The following CENPE variants were observed in gnomAD, a reference collection of about 807,000 sequenced individuals.
CENPE encodes the protein centromere protein E.
In CENPE, 145 loss-of-function variants were observed where a neutral mutation model predicts 336.1. That is an observed-to-expected ratio of 0.43 (90% CI 0.38 to 0.50). The LOEUF (loss-of-function observed/expected upper bound fraction) is 0.50. Ranked by LOEUF, CENPE falls within the 20% of genes least tolerant of loss-of-function variation. The pLI, the probability that CENPE is intolerant of heterozygous loss-of-function variation, is 0.00. For missense variants in CENPE, 2,719 were observed against 3,023.3 expected (o/e 0.90, Z 2.36); for synonymous variants, 1,013 against 984.8 (o/e 1.03, Z -0.54).
intron 36 of CENPE, 96 bp from the exon 37 acceptor site, chr4:103,140,510 C>T (rs777723783): frequency 1.8e-4 from 170 of 939,384 alleles, no homozygotes; most frequent in Non-Finnish European, 2.5e-4. Context: ...AAATTATACA[C>T]TCACAGTTAA....
At chr4:103,186,018 G>A (rs1756738137) in intron 8 of CENPE, among the ~76,000 whole-genome samples, 157 bp from the exon 9 acceptor site, 1 of 152,074 alleles carries the variant, frequency 6.6e-6, no homozygotes, top group Non-Finnish European at 1.5e-5. Context: ...TTTTCTCTGA[G>A]TCAAACTGTT....
In CENPE at chr4:103,147,347, G is replaced by A. The variant is rs370767152; in HGVS notation, c.4134+9C>T. On this transcript the variant is annotated intron_variant, in intron 29 of 48. Coordinates refer to ENST00000265148, the MANE Select transcript of CENPE (RefSeq NM_001813.3). ...ACTTGTTAAAATGGGAGGAAAATAC[G>A]AAACTTACTTTAGCCAAAGTTTCTC... 28 of 1,586,502 alleles carry A rather than the reference G, an allele frequency of 1.8e-5. No homozygotes were observed. Among genetic ancestry groups the A allele is most frequent in the Non-Finnish European group, 9.4e-6 (11 of 1,171,010 alleles).
rs182261481 is a variant in CENPE at position 103,160,485 on chromosome 4, C to A, written c.2286+140G>T. On this transcript the variant is annotated intron_variant, in intron 21 of 48. Transcript: ENST00000265148. ...ATTAGAAGATGAACTATATTCATTTCTATTTCTAACTAGTCAAAACGTTTA... is the reference window on the plus strand; with the variant it reads ...ATTAGAAGATGAACTATATTCATTTATATTTCTAACTAGTCAAAACGTTTA... 24 of 584,502 alleles carry A rather than the reference C, an allele frequency of 4.1e-5. No individual in the cohort carries two copies. The East Asian group carries it at 6.0e-4, about 15-fold the overall frequency. The allele number at this position is 584,502 out of a possible 1,614,324, so 36.2% of individuals were successfully genotyped here.
At chr4:103,112,795 TATA>T (rs1749626421) in intron 46 of CENPE, among the ~76,000 whole-genome samples, 1 of 56,290 alleles carries the variant, frequency 1.8e-5, no homozygotes, top group Non-Finnish European at 3.0e-5. Context: ...TATATATACT[TATA>T]AGTATATAAG....
chr4:103,134,136 G>A (rs1344658114), intron 40 of CENPE, among the ~76,000 whole-genome samples: 2 of 152,178 alleles, frequency 1.3e-5, no homozygotes, highest in Non-Finnish European at 2.9e-5. Flanking sequence ...CTTCTTGGAT[G>A]TCTTACAAGT....
At chr4:103,160,192 TACAGAAACATTCACC>T (rs1350255923) in intron 21 of CENPE, among the ~76,000 whole-genome samples, 3 of 151,952 alleles carry the variant, frequency 2.0e-5, no homozygotes, top group Non-Finnish European at 2.9e-5. Context: ...GCCATGGATT[TACAGAAACATTCACC>T]AGCCTGCAAG....
chr4:103,195,639 C>A (rs1271208378), intron 4 of CENPE, among the ~76,000 whole-genome samples: 9 of 152,038 alleles, frequency 5.9e-5, no homozygotes, highest in Admixed American at 2.0e-4. Context: ...GTGGAGCTAA[C>A]CATTCTGATA....
At chr4:103,142,568 A>G (rs1752654159) in intron 34 of CENPE, among the ~76,000 whole-genome samples, 1 of 152,178 alleles carries the variant, frequency 6.6e-6, no homozygotes, top group East Asian at 1.9e-4. Context: ...CCTTAGTAAC[A>G]AATCTTACAT....
Position 103,198,259 on chromosome 4 carries a change from C to T in CENPE, c.56+5G>A, listed in dbSNP as rs1167519327. The T allele has an allele frequency of 2.6e-6, 4 of 1,550,350 alleles. No homozygotes were observed. Among genetic ancestry groups the T allele is most frequent in the Admixed American group, 3.9e-5 (2 of 50,992 alleles). ...GGGCACCGGGCCGTGGTGTGGCCCC[C>T]CTACCTGCTGTTCAGCGGCCGCACT... On this transcript the variant is annotated splice_donor_5th_base_variant and intron_variant, in intron 1 of 48. Transcript: ENST00000265148.
intron 42 of CENPE, among the ~76,000 whole-genome samples, chr4:103,130,297 A>C (rs534341301): frequency 3.3e-5 from 5 of 152,232 alleles, no homozygotes; most frequent in Admixed American, 6.5e-5. Context: ...ATACTCCTGG[A>C]ACTAAATAAG....
chr4:103,117,449 G>C (rs1237361255), intron 44 of CENPE, among the ~76,000 whole-genome samples: 1 of 151,780 alleles, frequency 6.6e-6, no homozygotes, highest in Non-Finnish European at 1.5e-5. Flanking sequence ...CCCGTGCTTT[G>C]CCTATTCATC....
chr4:103,143,180 T>A, intron 34 of CENPE, 68 bp downstream of exon 34: 1 of 1,128,718 alleles, frequency 8.9e-7, no homozygotes, highest in Non-Finnish European at 1.3e-6. Context: ...GTAATTCATA[T>A]CTTGTTTCAT....
chr4:103,147,474 T>C lies in CENPE; in HGVS notation c.4016A>G (p.Glu1339Gly), dbSNP rs755478080. The change falls in exon 29 of 49, where the codon GAA becomes GGA. Residue 1339 changes from glutamate (E) to glycine (G), a missense_variant. Coordinates refer to ENST00000265148, the MANE Select transcript of CENPE (RefSeq NM_001813.3). The stretch of plus-strand genomic sequence containing the variant: ...TAGAGATTTTATCTCTTCCTGACTT[T>C]CTTGAAATTTTTCATTCAACCTGAG... ...ERLRLNEKFQ[E>G]SQEEIKSLTK... 4.3e-6 allele frequency: 7 copies of C among 1,614,150 alleles called. No individual in the cohort carries two copies. Among genetic ancestry groups the C allele is most frequent in the South Asian group, 1.1e-5 (1 of 91,080 alleles).
chr4:103,171,492 A>T (rs1416049770), intron 16 of CENPE, among the ~76,000 whole-genome samples: 3 of 152,074 alleles, frequency 2.0e-5, no homozygotes, highest in African/African-American at 4.8e-5. Flanking sequence ...ATATACCAAA[A>T]TGTATAGGAT....
rs767139013 is a variant in CENPE at position 103,168,252 on chromosome 4, C to T, written c.1648-4699G>A. Among the ~76,000 whole-genome samples, 6 of 151,986 alleles carry T rather than the reference C, an allele frequency of 3.9e-5. No individual in the cohort carries two copies. The South Asian group carries it at 1.0e-3, about 26-fold the overall frequency. On this transcript the variant is annotated intron_variant, in intron 16 of 48. Transcript: ENST00000265148. ...CTTTGCTGCAGTCAGGAAGCTATCT[C>T]GACTGTATTGGGAACTGCTGGGTGA...
Position 103,185,868 on chromosome 4 carries a change from G to T in CENPE, c.694-7C>A. 6.3e-7 allele frequency: 1 copy of T among 1,598,254 alleles called. No individual in the cohort carries two copies. The highest frequency in any genetic ancestry group is 8.6e-7 in the Non-Finnish European group (1 of 1,169,096). ...CTGCAAGATCAACCAAATTCTGTAAGATAGATAAAAATAAATCCTTAGGGC... is the reference window on the plus strand; with the variant it reads ...CTGCAAGATCAACCAAATTCTGTAATATAGATAAAAATAAATCCTTAGGGC... On this transcript the variant is annotated splice_polypyrimidine_tract_variant and splice_region_variant and intron_variant, in intron 8 of 48. Transcript: ENST00000265148.
Position 103,161,418 on chromosome 4 carries a change from A to G in CENPE, c.1882T>C (p.Phe628Leu). The change falls in exon 19 of 49, where the codon TTT becomes CTT. Residue 628 changes from phenylalanine to leucine, a missense_variant. Physicochemically the swap from Phe to Leu is conservative, Grantham distance 22. This residue lies in a region of CENPE where 2,437 missense variants were observed against 2,513.3 expected (regional missense o/e 0.97). Transcript: ENST00000265148. ...TCAAGGGCTACAGTTTCAGCATCAA[A>G]CAGAGTCTGCTTCATTTGTTTTGGG... ...EDPKQMKQTLFDAETVALDAK... is the reference protein window; with the variant it reads ...EDPKQMKQTLLDAETVALDAK... 6.2e-7 allele frequency: 1 copy of G among 1,612,584 alleles called. No individual in the cohort carries two copies. Among genetic ancestry groups the G allele is most frequent in the South Asian group, 1.1e-5 (1 of 90,824 alleles).
At chr4:103,172,690 A>G (rs994971833) in intron 16 of CENPE, among the ~76,000 whole-genome samples, 1 of 152,084 alleles carries the variant, frequency 6.6e-6, no homozygotes, top group Admixed American at 6.6e-5. Context: ...CTATATACAG[A>G]AAACCCTAAG....
At chr4:103,187,620 G>C (rs913509107) in intron 8 of CENPE, among the ~76,000 whole-genome samples, 12 of 151,782 alleles carry the variant, frequency 7.9e-5, no homozygotes, top group African/African-American at 2.9e-4. Context: ...TCACCACCAG[G>C]CCTGCCTTAC....
Sources: gnomAD v4.1 joint callset for allele counts (sites outside exome capture counted in the v4.1 genomes callset) on GRCh38, gnomAD v4.1.1 for gene constraint, gnomAD v4.1.1 regional missense constraint, MANE v1.5 for transcripts, NCBI Gene and HGNC (gene_info 2026-07-23, HGNC 2026-07-21) for gene names.